ARIH2: variants seen among roughly 807,000 people sequenced by gnomAD.
The protein encoded by ARIH2 is E3 ubiquitin-protein ligase ARIH2.
A neutral mutation model predicts 79.8 loss-of-function variants in ARIH2; 12 were observed. The observed-to-expected ratio is 0.15, with a 90% confidence interval of 0.10 to 0.24. The LOEUF (loss-of-function observed/expected upper bound fraction) is 0.24, where lower values mean the gene tolerates loss of function less well. ARIH2 is among the 10% of genes least tolerant of loss of function. The pLI is 1.00. For synonymous variants in ARIH2, 224 were observed against 213.9 expected, an observed-to-expected ratio of 1.05 and a Z score of -0.41; for missense variants, 301 against 618.3, an observed-to-expected ratio of 0.49 and a Z score of 5.44.
chr3:48,946,497 T>C (rs2089165346), intron 3 of ARIH2, among the ~76,000 whole-genome samples: 2 of 151,372 alleles, frequency 1.3e-5, no homozygotes, highest in Non-Finnish European at 2.9e-5. Context: ...AGGTGTTTGC[T>C]CATGACCTTT....
At chr3:48,959,563 G>A (rs1448608211) in intron 3 of ARIH2, among the ~76,000 whole-genome samples, 1 of 149,516 alleles carries the variant, frequency 6.7e-6, no homozygotes, top group African/African-American at 2.5e-5. Context: ...CAGCACTTTG[G>A]GAGGCCGAGG....
intron 3 of ARIH2, among the ~76,000 whole-genome samples, chr3:48,956,143 C>CT (rs879476262): frequency 1.6e-3 from 227 of 145,106 alleles, no homozygotes; most frequent in Middle Eastern, 7.1e-3. Flanking sequence ...ATCTCCTTTA[C>CT]TTTTTTTTTT....
At chr3:48,933,235 GGTGT>G (rs57911300) in intron 3 of ARIH2, among the ~76,000 whole-genome samples, 6,040 of 133,994 alleles carry the variant, frequency 0.045, 176 homozygotes, top group Non-Finnish European at 0.069. Context: ...CACATGCCCG[GGTGT>G]GTGTGTGTGT....
rs2092881616 is a variant in ARIH2 at position 48,985,452 on chromosome 3, T to C, written c.*2182T>C. The C allele has an allele frequency of 2.0e-5, 3 of 152,228 alleles. No individual in the cohort carries two copies. 9.4% of individuals were successfully genotyped at this position (152,228 alleles called of 1,614,324 possible). A position where few individuals can be genotyped will look rare whatever the true frequency, so the allele number is the denominator to read the frequency against. ...TGAATTTACCATATATCTTTGTTTT[T>C]CTTCAACGAAAAAGTTAATTGAGGC... is the stretch of plus-strand genomic sequence containing the variant. On this transcript the variant is annotated 3_prime_UTR_variant, in exon 16 of 16. Coordinates refer to ENST00000356401, the MANE Select transcript of ARIH2 (RefSeq NM_006321.4).
chr3:48,919,038 C>G, intron 1 of ARIH2, 40 bp downstream of exon 1: 2 of 1,353,934 alleles, frequency 1.5e-6, no homozygotes, highest in East Asian at 2.9e-5. Context: ...TTTACCTTGG[C>G]TGGCCGCTGG....
At chr3:48,974,568 A>G (rs2092408234) in intron 9 of ARIH2, 1 of 564,238 alleles carries the variant, frequency 1.8e-6, no homozygotes, top group South Asian at 2.1e-5. Context: ...GCTTCATGGC[A>G]GGGGCAGATG....
At chr3:48,961,486 AGGAGGAATTT>A (rs1156724735) in intron 3 of ARIH2, 116 bp from the exon 4 acceptor site, 2 of 546,724 alleles carry the variant, frequency 3.7e-6, no homozygotes, top group African/African-American at 3.7e-5. Context: ...GAGAACCAAG[AGGAGGAATTT>A]GGTAATCCAG....
intron 3 of ARIH2, among the ~76,000 whole-genome samples, chr3:48,945,953 G>A (rs2089066318): frequency 6.6e-6 from 1 of 152,110 alleles, no homozygotes; most frequent in Non-Finnish European, 1.5e-5. Context: ...GCGGGTCAGA[G>A]GACACAGAGA....
chr3:48,921,909 G>A (rs1038693985), intron 1 of ARIH2, among the ~76,000 whole-genome samples: 7 of 151,984 alleles, frequency 4.6e-5, no homozygotes, highest in African/African-American at 1.5e-4. Flanking sequence ...GCACCACCAC[G>A]ACATTTATGA....
chr3:48,960,190 T>C (rs1228785948), intron 3 of ARIH2, among the ~76,000 whole-genome samples: 1 of 152,228 alleles, frequency 6.6e-6, no homozygotes, highest in African/African-American at 2.4e-5. Context: ...TTCTGTGATC[T>C]CACCCAAGTC....
intron 2 of ARIH2, chr3:48,924,731 C>T (rs1280843392): frequency 6.6e-6 from 1 of 152,056 alleles, no homozygotes; most frequent in Non-Finnish European, 1.5e-5. Context: ...GAGTCTCGCT[C>T]TGTTGCCCAG....
chr3:48,958,700 C>A lies in ARIH2; in HGVS notation c.256-2912C>A, dbSNP rs531952081. 2.9e-3 allele frequency among the ~76,000 whole-genome samples: 430 copies of A among 150,184 alleles called. 4 individuals are homozygous for A. The highest frequency in any genetic ancestry group is 1.0e-2 in the African/African-American group (408 of 40,860). On this transcript the variant is annotated intron_variant, in intron 3 of 15. Coordinates refer to ENST00000356401, the MANE Select transcript of ARIH2 (RefSeq NM_006321.4). ...CTCCAGCCAGGGCAACAGAAGGAGA[C>A]TCCATCTCAAAAAAAAGAAAAAAAG...
chr3:48,975,026 G>C (rs1387828007), intron 11 of ARIH2, 47 bp downstream of exon 11: 10 of 1,614,046 alleles, frequency 6.2e-6, no homozygotes, highest in Middle Eastern at 3.3e-4. Flanking sequence ...CTTTCTTGTG[G>C]TTGGGTCTCC....
At chr3:48,953,220 G>A (rs994465825) in intron 3 of ARIH2, among the ~76,000 whole-genome samples, 3 of 151,600 alleles carry the variant, frequency 2.0e-5, no homozygotes, top group Non-Finnish European at 4.4e-5. Flanking sequence ...GTAAGCCACC[G>A]CGCCTGGCCA....
At chr3:48,971,780 C>T (rs1010484638) in intron 8 of ARIH2, among the ~76,000 whole-genome samples, 4 of 152,108 alleles carry the variant, frequency 2.6e-5, no homozygotes, top group Admixed American at 1.3e-4. Flanking sequence ...ATTTTAAATC[C>T]GGCAGCCCCC....
chr3:48,949,074 G>A (rs1295170566), intron 3 of ARIH2: 3 of 456,352 alleles, frequency 6.6e-6, no homozygotes, highest in Non-Finnish European at 8.8e-6. Context: ...AGATAACTAG[G>A]AGTGGGATTG....
chr3:48,939,020 T>A (rs1480196911), intron 3 of ARIH2, among the ~76,000 whole-genome samples: 1 of 150,590 alleles, frequency 6.6e-6, no homozygotes, highest in Non-Finnish European at 1.5e-5. Context: ...CAGGCTGGAG[T>A]GCAGTGGCGT....
At chr3:48,962,734 C>A (rs1444106944) in intron 4 of ARIH2, among the ~76,000 whole-genome samples, 1 of 152,190 alleles carries the variant, frequency 6.6e-6, no homozygotes, top group Non-Finnish European at 1.5e-5. Context: ...CCTCTAAGTC[C>A]TTGGCAATCA....
Position 48,980,448 on chromosome 3 carries a change from A to G in ARIH2, c.1209A>G (p.Thr403=), listed in dbSNP as rs1482918422. The G allele has an allele frequency of 1.9e-6, 3 of 1,614,060 alleles. No homozygotes were observed. Among genetic ancestry groups the G allele is most frequent in the East Asian group, 2.2e-5 (1 of 44,884 alleles). The part of the protein sequence containing the change: ...IQERVMNNLG[T]WIDWQYLQNA... The stretch of plus-strand genomic sequence containing the variant: ...AGAGGGTCATGAACAATCTGGGGAC[A>G]TGGATCGACTGGCAGTACCTACAGA... Residue 403 remains threonine, a synonymous_variant, in exon 13 of 16, where the codon ACA becomes ACG. Transcript: ENST00000356401.
Sources: gnomAD v4.1 joint callset for allele counts (sites outside exome capture counted in the v4.1 genomes callset) on GRCh38, gnomAD v4.1.1 for gene constraint, MANE v1.5 for transcripts, NCBI Gene and HGNC (gene_info 2026-07-23, HGNC 2026-07-21) for gene names.